Variants in IRAK2 observed in about 807,000 individuals in gnomAD.
IRAK2 encodes the protein interleukin-1 receptor-associated kinase-like 2.
IRAK2 carries 57 observed loss-of-function variants against 72.0 expected under a neutral mutation model. The observed-to-expected ratio is 0.79, with a 90% CI of 0.64 to 0.99. The LOEUF is 0.99. IRAK2 is among the 50% of genes least tolerant of loss of function. The pLI, the probability that IRAK2 is intolerant of heterozygous loss-of-function variation, is 0.00. For synonymous variants in IRAK2, 293 were observed against 312.7 expected, an observed-to-expected ratio of 0.94 and a Z score of 0.67; for missense variants, 790 against 794.4, an observed-to-expected ratio of 0.99 and a Z score of 0.07.
intron 10 of IRAK2, among the ~76,000 whole-genome samples, chr3:10,228,897 T>C (rs1413813035): frequency 6.6e-6 from 1 of 152,024 alleles, no homozygotes; most frequent in Non-Finnish European, 1.5e-5. Context: ...CATGCACACA[T>C]GTGAGGAGAG....
chr3:10,219,479 C>T (rs937768414), intron 7 of IRAK2, among the ~76,000 whole-genome samples: 1 of 152,000 alleles, frequency 6.6e-6, no homozygotes, highest in Non-Finnish European at 1.5e-5. Flanking sequence ...CCACCAGGAC[C>T]GGCTAATTTT....
rs1031735839 is a variant in IRAK2 at position 10,243,508 on chromosome 3, C to A, written c.*1280C>A. 1 of 152,552 alleles carries A rather than the reference C, an allele frequency of 6.6e-6. No individual in the cohort carries two copies. Among genetic ancestry groups the A allele is most frequent in the Non-Finnish European group, 1.5e-5 (1 of 68,028 alleles). 9.4% of individuals were successfully genotyped at this position (152,552 alleles called of 1,614,324 possible). On this transcript the variant is annotated 3_prime_UTR_variant, in exon 13 of 13. Transcript: ENST00000256458. ...GGGCTGTTGGGAGGAACAGATGAGA[C>A]AGTGGCTATAGAAGCACTTGGAAAA...
At chr3:10,165,426 TGG>T (rs34151182) in intron 1 of IRAK2, among the ~76,000 whole-genome samples, 10,327 of 150,990 alleles carry the variant, frequency 0.068, 397 homozygotes, top group East Asian at 0.094. Flanking sequence ...TGTCACTTCT[TGG>T]GGGGGTGTGT....
rs528609014 is a variant in IRAK2, at chr3:10,238,661, G to A, written c.1474-87G>A. ...CATTAGGTTCTTCAGTCTGCTCCCC[G>A]CCCCCTCTCTGCTGGGAGGCCAGAT... On this transcript the variant is annotated intron_variant, in intron 11 of 12. Transcript: ENST00000256458. 407 of 1,284,926 alleles carry A rather than the reference G, an allele frequency of 3.2e-4. 5 individuals are homozygous for A. In the South Asian group the frequency reaches 5.1e-3, roughly 16 times the overall value. The allele number at this position is 1,284,926 out of a possible 1,614,324, so 79.6% of individuals were successfully genotyped here. A position where few individuals can be genotyped will look rare whatever the true frequency, so the allele number is the denominator to read the frequency against.
intron 1 of IRAK2, among the ~76,000 whole-genome samples, chr3:10,168,214 A>C (rs1156292668): frequency 3.2e-5 from 4 of 126,594 alleles, no homozygotes; most frequent in African/African-American, 1.3e-4. Flanking sequence ...TTCTTTTTTT[A>C]ATTTTTTTTT....
chr3:10,233,304 G>A lies in IRAK2; in HGVS notation c.1273-1155G>A, dbSNP rs1190736826. Among the ~76,000 whole-genome samples the A allele has an allele frequency of 3.3e-5, 5 of 152,112 alleles. No individual in the cohort carries two copies. In the East Asian group the frequency reaches 5.8e-4, roughly 18 times the overall value. ...TGACCTCGAGTGATCTGCCAGTCTCGGCCTCGCAAAGTGCTGGGATTACAG... is the reference window on the plus strand; with the variant it reads ...TGACCTCGAGTGATCTGCCAGTCTCAGCCTCGCAAAGTGCTGGGATTACAG... On this transcript the variant is annotated intron_variant, in intron 10 of 12. Coordinates refer to ENST00000256458, the MANE Select transcript of IRAK2 (RefSeq NM_001570.4).
At chr3:10,234,753 A>T (rs1575991258) in intron 11 of IRAK2, 94 bp downstream of exon 11, 3 of 1,116,770 alleles carry the variant, frequency 2.7e-6, no homozygotes, top group Non-Finnish European at 3.9e-6. Context: ...TGCACAAACC[A>T]GGGTTGTGCT....
intron 2 of IRAK2, among the ~76,000 whole-genome samples, chr3:10,191,664 G>T (rs1408054322): frequency 1.3e-5 from 2 of 152,088 alleles, no homozygotes; most frequent in Non-Finnish European, 2.9e-5. Context: ...TTCCATGCTA[G>T]TCCTTTTCAT....
At chr3:10,177,759 A>G in intron 1 of IRAK2, 79 bp from the exon 2 acceptor site, 2 of 1,418,516 alleles carry the variant, frequency 1.4e-6, no homozygotes, top group Non-Finnish European at 2.0e-6. Flanking sequence ...GGAAAAGCCC[A>G]GCTAGGGGCT....
chr3:10,229,471 G>A (rs977402975), intron 10 of IRAK2, among the ~76,000 whole-genome samples: 6 of 152,208 alleles, frequency 3.9e-5, no homozygotes, highest in Admixed American at 3.3e-4. Context: ...ATCAAGATAC[G>A]GAATATTTTT....
At chr3:10,173,308 CTG>C (rs1346079002) in intron 1 of IRAK2, among the ~76,000 whole-genome samples, 2 of 152,188 alleles carry the variant, frequency 1.3e-5, no homozygotes, top group Non-Finnish European at 2.9e-5. Context: ...GTTTTCATAT[CTG>C]TAGAAAAAGT....
intron 9 of IRAK2, among the ~76,000 whole-genome samples, chr3:10,223,802 T>A (rs546532990): frequency 1.2e-4 from 18 of 152,350 alleles, no homozygotes; most frequent in African/African-American, 3.1e-4. Flanking sequence ...CAGCTGCCCC[T>A]TGGGCCTCAC....
At chr3:10,173,496 C>T (rs1696827447) in intron 1 of IRAK2, among the ~76,000 whole-genome samples, 1 of 152,122 alleles carries the variant, frequency 6.6e-6, no homozygotes, top group Admixed American at 6.6e-5. Flanking sequence ...TGACTCATCC[C>T]CTCAAGATCT....
intron 10 of IRAK2, 30 bp from the exon 11 acceptor site, chr3:10,234,429 G>T: frequency 6.3e-7 from 1 of 1,598,662 alleles, no homozygotes; most frequent in Non-Finnish European, 8.6e-7. Context: ...TGCAGCTCAC[G>T]CAAGGGCGTT....
At chr3:10,240,558 C>CCCCCT (rs1274154130) in intron 12 of IRAK2, among the ~76,000 whole-genome samples, 18 of 18,066 alleles carry the variant, frequency 1.0e-3, no homozygotes, top group African/African-American at 5.8e-3. Context: ...CCCCCCCCGC[C>CCCCCT]TTTTTTTTTT....
chr3:10,228,965 C>A (rs1478203706), intron 10 of IRAK2, among the ~76,000 whole-genome samples: 1 of 151,650 alleles, frequency 6.6e-6, no homozygotes, highest in African/African-American at 2.4e-5. Flanking sequence ...CAGAGTCTCG[C>A]TCTGTTGCCC....
chr3:10,241,986 G>GAA (rs56369677), intron 12 of IRAK2, 130 bp from the exon 13 acceptor site: 23,703 of 361,848 alleles, frequency 0.066, 2 homozygotes, highest in East Asian at 0.17. Context: ...AAAAAAAAAA[G>GAA]AAAAAAAAAA....
chr3:10,222,928 A>T, intron 9 of IRAK2, 97 bp downstream of exon 9: 1 of 1,141,902 alleles, frequency 8.8e-7, no homozygotes, highest in South Asian at 1.4e-5. Flanking sequence ...GCACACAGAC[A>T]GGTTCCATCA....
chr3:10,221,474 C>T lies in IRAK2; in HGVS notation c.1014-1162C>T, dbSNP rs1388086864. On this transcript the variant is annotated intron_variant, in intron 8 of 12. Transcript: ENST00000256458. ...TTCACTGTGTTAGCCATGATGGTCT[C>T]GATCTCCTGACCTCGTGATCCACCC... 3.3e-5 allele frequency among the ~76,000 whole-genome samples: 5 copies of T among 151,286 alleles called. No homozygotes were observed. The South Asian group carries it at 6.3e-4, about 19-fold the overall frequency.
Sources: allele counts gnomAD v4.1 joint callset (sites outside exome capture counted in the v4.1 genomes callset), GRCh38; gene constraint gnomAD v4.1.1; transcripts MANE v1.5; gene names NCBI Gene and HGNC (gene_info 2026-07-23, HGNC 2026-07-21).